GRM1: variants seen among roughly 807,000 people sequenced by gnomAD.
The protein encoded by GRM1 is metabotropic glutamate receptor 1.
In GRM1, 33 loss-of-function variants were observed where a neutral mutation model predicts 90.9. That is an observed-to-expected ratio of 0.36 (90% CI 0.28 to 0.49). GRM1 has a LOEUF of 0.49. GRM1 is among the 20% of genes least tolerant of loss of function. GRM1 has a pLI of 0.99. For missense variants in GRM1, 1,190 were observed against 1,534.3 expected, an observed-to-expected ratio of 0.78 and a Z score of 3.75; for synonymous variants, 700 against 613.2, an observed-to-expected ratio of 1.14 and a Z score of -2.09.
At chr6:146,148,424 T>G (rs1777194244) in intron 1 of GRM1, among the ~76,000 whole-genome samples, 1 of 152,162 alleles carries the variant, frequency 6.6e-6, no homozygotes, top group Admixed American at 6.5e-5. Flanking sequence ...TATTTTGCAT[T>G]CTATTTTAAA....
At chr6:146,426,993 T>G (rs890312464) in intron 7 of GRM1, among the ~76,000 whole-genome samples, 18 of 152,304 alleles carry the variant, frequency 1.2e-4, no homozygotes, top group African/African-American at 3.6e-4. Context: ...CTCTTTCTTT[T>G]CTTTTCTTTT....
At chr6:146,118,797 T>G (rs1775863715) in intron 1 of GRM1, among the ~76,000 whole-genome samples, 1 of 152,216 alleles carries the variant, frequency 6.6e-6, no homozygotes, top group African/African-American at 2.4e-5. Flanking sequence ...TGCATAGTAT[T>G]CCATGGTGTA....
intron 2 of GRM1, among the ~76,000 whole-genome samples, chr6:146,187,738 C>A (rs924968360): frequency 6.7e-6 from 1 of 148,440 alleles, no homozygotes; most frequent in East Asian, 2.0e-4. Flanking sequence ...AGGCACAAAA[C>A]ATATATATAT....
intron 1 of GRM1, among the ~76,000 whole-genome samples, chr6:146,030,916 C>A (rs956681786): frequency 2.0e-5 from 3 of 152,160 alleles, no homozygotes; most frequent in African/African-American, 4.8e-5. Context: ...TGAGAAATAA[C>A]ACTGGTGACC....
At chr6:146,207,511 G>T (rs1325311393) in intron 2 of GRM1, among the ~76,000 whole-genome samples, 1 of 152,098 alleles carries the variant, frequency 6.6e-6, no homozygotes, top group East Asian at 1.9e-4. Context: ...CAGATGAATA[G>T]TTTGGAAATA....
chr6:146,220,865 C>T (rs1207862830), intron 2 of GRM1, among the ~76,000 whole-genome samples: 2 of 151,958 alleles, frequency 1.3e-5, no homozygotes, highest in African/African-American at 2.4e-5. Context: ...ATCAGAAATG[C>T]ATGACCAGGC....
intron 3 of GRM1, among the ~76,000 whole-genome samples, chr6:146,312,019 T>C (rs942993744): frequency 4.6e-5 from 7 of 152,014 alleles, no homozygotes; most frequent in Admixed American, 1.3e-4. Context: ...GAAGGATCTT[T>C]CTGCTGATGC....
At position 146,162,859 on chromosome 6, in the gene GRM1, G is replaced by C. The variant is rs533273396; in HGVS notation, c.950+3262G>C. On this transcript the variant is annotated intron_variant, in intron 2 of 7. Coordinates refer to ENST00000282753, the MANE Select transcript of GRM1 (RefSeq NM_001278064.2). ...AACAAAACGTGGACTAAGAGTTCTAGCTATGCCATGAAGCAATTATATGAT... is the reference window on the plus strand; with the variant it reads ...AACAAAACGTGGACTAAGAGTTCTACCTATGCCATGAAGCAATTATATGAT... Among the ~76,000 whole-genome samples the C allele has an allele frequency of 4.6e-5, 7 of 152,138 alleles. No individual in the cohort carries two copies. In the East Asian group the frequency reaches 1.4e-3, roughly 29 times the overall value.
At chr6:146,251,894 C>T (rs1781298170) in intron 2 of GRM1, among the ~76,000 whole-genome samples, 1 of 152,174 alleles carries the variant, frequency 6.6e-6, no homozygotes, top group Non-Finnish European at 1.5e-5. Context: ...TTGTACTTCT[C>T]TCTGCCTGAA....
chr6:146,043,796 T>TATATATATATATAG (rs59240985), intron 1 of GRM1, among the ~76,000 whole-genome samples: 15,166 of 137,794 alleles, frequency 0.11, 1,113 homozygotes, highest in Non-Finnish European at 0.12. Context: ...TATATATATA[T>TATATATATATATAG]ATATATATAT....
intron 2 of GRM1, among the ~76,000 whole-genome samples, chr6:146,255,530 C>T (rs1781447400): frequency 6.6e-6 from 1 of 152,082 alleles, no homozygotes; most frequent in South Asian, 2.1e-4. Flanking sequence ...TGAAGCCTTC[C>T]TCCCTGAGAT....
At chr6:146,325,207 G>A (rs997684757) in intron 3 of GRM1, among the ~76,000 whole-genome samples, 1 of 152,116 alleles carries the variant, frequency 6.6e-6, no homozygotes, top group African/African-American at 2.4e-5. Flanking sequence ...TTTTGAGTAG[G>A]ACTGGAGCTT....
At chr6:146,237,586 C>G (rs990820064) in intron 2 of GRM1, among the ~76,000 whole-genome samples, 1 of 146,532 alleles carries the variant, frequency 6.8e-6, no homozygotes, top group African/African-American at 2.6e-5. Context: ...TTTTTTATCT[C>G]ATACTTTCTC....
intron 2 of GRM1, among the ~76,000 whole-genome samples, chr6:146,262,080 A>G (rs1781713329): frequency 7.4e-6 from 1 of 135,260 alleles, no homozygotes; most frequent in Non-Finnish European, 1.5e-5. Flanking sequence ...AGTAGAAAAC[A>G]AAACAAAAAA....
chr6:146,043,782 GATATATATATATAT>G (rs3064997), intron 1 of GRM1, among the ~76,000 whole-genome samples: 2 of 89,984 alleles, frequency 2.2e-5, no homozygotes, highest in African/African-American at 3.4e-5. Context: ...AGAGTCAGGT[GATATATATATATAT>G]ATATATATAT....
chr6:146,194,569 T>G (rs562588225), intron 2 of GRM1, among the ~76,000 whole-genome samples: 1 of 152,228 alleles, frequency 6.6e-6, no homozygotes, highest in Non-Finnish European at 1.5e-5. Flanking sequence ...GAAGCAGCAC[T>G]CCCACTATTT....
At chr6:146,247,804 GTA>G (rs377170700) in intron 2 of GRM1, among the ~76,000 whole-genome samples, 6,069 of 118,708 alleles carry the variant, frequency 0.051, 447 homozygotes, top group African/African-American at 0.21. Context: ...GTGTGTGTGT[GTA>G]TATATATATA....
chr6:146,087,144 A>T lies in GRM1; in HGVS notation c.700+56927A>T, dbSNP rs182345267. Among the ~76,000 whole-genome samples the T allele has an allele frequency of 3.9e-5, 6 of 152,218 alleles. No individual in the cohort carries two copies. In the East Asian group the frequency reaches 1.2e-3, roughly 29 times the overall value. On this transcript the variant is annotated intron_variant, in intron 1 of 7. Coordinates refer to ENST00000282753, the MANE Select transcript of GRM1 (RefSeq NM_001278064.2). ...GCATGTATTCCACAGTCTAGACAGA[A>T]TTCAGTTTTTTAATCAGCTTCAGTT...
chr6:146,360,342 T>C lies in GRM1; in HGVS notation c.1602+2648T>C, dbSNP rs142522331. Among the ~76,000 whole-genome samples, 7 of 152,166 alleles carry C rather than the reference T, an allele frequency of 4.6e-5. No homozygotes were observed. In the East Asian group the frequency reaches 1.3e-3, roughly 29 times the overall value. On this transcript the variant is annotated intron_variant, in intron 5 of 7. Coordinates refer to ENST00000282753, the MANE Select transcript of GRM1 (RefSeq NM_001278064.2). ...TTATAAATATATCTTATAAATATAA[T>C]ATCTCATGGAAGAAGAGAAAAATTT...
Sources: allele counts gnomAD v4.1 joint callset (sites outside exome capture counted in the v4.1 genomes callset), GRCh38; gene constraint gnomAD v4.1.1; transcripts MANE v1.5; gene names NCBI Gene and HGNC (gene_info 2026-07-23, HGNC 2026-07-21).